Variants in CLPSL1 observed in about 807,000 individuals in gnomAD.
CLPSL1 encodes colipase like 1, also known as colipase-like protein 1.
Under a neutral mutation model 9.3 loss-of-function variants are expected in CLPSL1, and 13 were observed. The ratio of observed to expected loss-of-function variants is 1.40; its 90% CI spans 0.91 to 2.22. CLPSL1 has a LOEUF of 2.22. CLPSL1 is among the 30% of genes most tolerant of loss of function. The probability of loss-of-function intolerance (pLI) is 0.00; values close to 1 mark genes in which losing one functional copy is unlikely to be tolerated. For missense variants in CLPSL1, 164 were observed against 146.6 expected (o/e 1.12, Z -0.61); for synonymous variants, 58 against 56.9 (o/e 1.02, Z -0.08).
intron 1 of CLPSL1, among the ~76,000 whole-genome samples, chr6:35,785,161 T>A (rs1257047750): frequency 1.3e-5 from 2 of 148,400 alleles, no homozygotes; most frequent in Non-Finnish European, 1.5e-5. Context: ...TCCTGTGGAG[T>A]GTGCCCCTGG....
At chr6:35,783,092 A>C (rs1181000063) in intron 1 of CLPSL1, among the ~76,000 whole-genome samples, 1 of 152,086 alleles carries the variant, frequency 6.6e-6, no homozygotes, top group African/African-American at 2.4e-5. Flanking sequence ...GGACATTTTC[A>C]TTACCCCAAA....
intron 1 of CLPSL1, among the ~76,000 whole-genome samples, chr6:35,786,229 G>A (rs138457893): frequency 3.4e-4 from 52 of 152,286 alleles, no homozygotes; most frequent in African/African-American, 1.2e-3. Context: ...ACCAGCCTGC[G>A]CGATGGAAGC....
chr6:35,783,669 G>T (rs990488727), intron 1 of CLPSL1, among the ~76,000 whole-genome samples: 1 of 151,866 alleles, frequency 6.6e-6, no homozygotes, highest in African/African-American at 2.4e-5. Flanking sequence ...TTAGCTGTGC[G>T]TGGTGGCGGG....
In CLPSL1 at chr6:35,783,979, A is replaced by T. The variant is rs370286997; in HGVS notation, c.99+2770A>T. ...ATCTGAGACAGGTCTCAGTCAATTT[A>T]GAAAGTTTATTTTGCCAAGGTTAGG... On this transcript the variant is annotated intron_variant, in intron 1 of 2. Transcript: ENST00000373861. Among the ~76,000 whole-genome samples the T allele has an allele frequency of 1.1e-3, 169 of 152,296 alleles. 5 individuals are homozygous for T. The South Asian group carries it at 0.03, about 27-fold the overall frequency.
At chr6:35,786,963 G>A (rs771362615) in intron 1 of CLPSL1, 35 bp from the exon 2 acceptor site, 17 of 1,553,996 alleles carry the variant, frequency 1.1e-5, no homozygotes, top group Non-Finnish European at 1.5e-5. Flanking sequence ...GAAGGCGGGC[G>A]GTGGAGCCTG....
At chr6:35,784,411 T>C (rs999201622) in intron 1 of CLPSL1, among the ~76,000 whole-genome samples, 3 of 152,298 alleles carry the variant, frequency 2.0e-5, no homozygotes, top group African/African-American at 7.2e-5. Context: ...GGGGTATTAA[T>C]GAGGCATGTC....
At chr6:35,789,719 C>A (rs1360254414), downstream of CLPSL1, among the ~76,000 whole-genome samples, 6 of 152,230 alleles carry the variant, frequency 3.9e-5, no homozygotes, top group African/African-American at 9.6e-5. Flanking sequence ...CATGGTGAAA[C>A]CCCATCTGTA....
chr6:35,784,972 A>T (rs1319346325), intron 1 of CLPSL1, among the ~76,000 whole-genome samples: 1 of 152,050 alleles, frequency 6.6e-6, no homozygotes, highest in East Asian at 1.9e-4. Context: ...GCAGTGTTTA[A>T]CCTTGGTCCT....
In CLPSL1 at chr6:35,786,914, C is replaced by T. The variant is rs1768085304; in HGVS notation, c.100-84C>T. On this transcript the variant is annotated intron_variant, in intron 1 of 2. Transcript: ENST00000373861. Reference sequence around the variant, plus strand: ...GGTGGGAGCAGAGTCTGGGGAGGAGCCCCGTAGGGAGAAAGCCCCAGGCGG... The same window carrying T: ...GGTGGGAGCAGAGTCTGGGGAGGAGTCCCGTAGGGAGAAAGCCCCAGGCGG... 33 of 1,486,158 alleles carry T rather than the reference C, an allele frequency of 2.2e-5. No individual in the cohort carries two copies. The South Asian group carries it at 3.9e-4, about 18-fold the overall frequency. 92.1% of individuals were successfully genotyped at this position (1,486,158 alleles called of 1,614,324 possible).
downstream of CLPSL1, among the ~76,000 whole-genome samples, chr6:35,792,098 A>AAAATAAATAAATAAATAAAT (rs112994835): frequency 3.3e-5 from 5 of 149,596 alleles, no homozygotes; most frequent in African/African-American, 7.4e-5. Flanking sequence ...CCCCGCCACA[A>AAAATAAATAAATAAATAAAT]AAATAAATAA....
chr6:35,781,361 A>G, intron 1 of CLPSL1, 152 bp downstream of exon 1: 2 of 1,277,934 alleles, frequency 1.6e-6, no homozygotes, highest in South Asian at 1.6e-5. Context: ...CGGAGGAAAG[A>G]GAGAACAACC....
intron 1 of CLPSL1, 151 bp downstream of exon 1, chr6:35,781,360 G>T: frequency 7.8e-7 from 1 of 1,281,708 alleles, no homozygotes; most frequent in Non-Finnish European, 1.0e-6. Context: ...TCGGAGGAAA[G>T]AGAGAACAAC....
chr6:35,791,693 G>A (rs192149138), downstream of CLPSL1, among the ~76,000 whole-genome samples: 361 of 152,196 alleles, frequency 2.4e-3, no homozygotes, highest in African/African-American at 6.2e-3. Flanking sequence ...CACTTTAGGA[G>A]GTTGAGGTGG....
chr6:35,786,406 C>T (rs932911617), intron 1 of CLPSL1, among the ~76,000 whole-genome samples: 1 of 152,208 alleles, frequency 6.6e-6, no homozygotes, highest in Admixed American at 6.5e-5. Context: ...TCTGGAATGT[C>T]AGCTGCAGGT....
downstream of CLPSL1, among the ~76,000 whole-genome samples, chr6:35,788,314 A>G (rs567353344): frequency 4.2e-4 from 64 of 152,286 alleles, 1 homozygote; most frequent in African/African-American, 1.5e-3. Context: ...CCCAGAAGAG[A>G]CCAAAGCTCC....
downstream of CLPSL1, among the ~76,000 whole-genome samples, chr6:35,789,800 G>A (rs1244315025): frequency 6.6e-6 from 1 of 152,170 alleles, no homozygotes; most frequent in Non-Finnish European, 1.5e-5. Context: ...GGGCTGAGGT[G>A]GGAGAATCAC....
At position 35,788,101 on chromosome 6, in the gene CLPSL1, C is replaced by A; in HGVS notation, c.*91C>A. ...TCACCCTGTTCCCCAGAGCCTCCACCATGAGTGGAGGGAAGTGGGGAGTGA... is the reference window on the plus strand; with the variant it reads ...TCACCCTGTTCCCCAGAGCCTCCACAATGAGTGGAGGGAAGTGGGGAGTGA... On this transcript the variant is annotated 3_prime_UTR_variant, in exon 3 of 3. Coordinates refer to ENST00000373861, the MANE Select transcript of CLPSL1 (RefSeq NM_001010886.5). The A allele has an allele frequency of 9.5e-7, 1 of 1,052,812 alleles. No individual in the cohort carries two copies. Among genetic ancestry groups the A allele is most frequent in the Non-Finnish European group, 1.4e-6 (1 of 689,798 alleles). 65.2% of individuals were successfully genotyped at this position (1,052,812 alleles called of 1,614,324 possible). A position where few individuals can be genotyped will look rare whatever the true frequency, so the allele number is the denominator to read the frequency against.
At chr6:35,791,913 C>CAAATAAATAAATAAATAAATAAATAAAT, downstream of CLPSL1, among the ~76,000 whole-genome samples, 1 of 149,396 alleles carries the variant, frequency 6.7e-6, no homozygotes, top group East Asian at 2.0e-4. Flanking sequence ...ACTAAAAATA[C>CAAATAAATAAATAAATAAATAAATAAAT]AAATAAATAA....
chr6:35,788,844 CT>C (rs1768140399), downstream of CLPSL1, among the ~76,000 whole-genome samples: 1 of 152,254 alleles, frequency 6.6e-6, no homozygotes, highest in Non-Finnish European at 1.5e-5. Context: ...TGCTAGCTCG[CT>C]TGTCTGTGAG....
Sources: gnomAD v4.1 joint callset for allele counts (sites outside exome capture counted in the v4.1 genomes callset) on GRCh38, gnomAD v4.1.1 for gene constraint, MANE v1.5 for transcripts, NCBI Gene and HGNC (gene_info 2026-07-23, HGNC 2026-07-21) for gene names.